The following SCAF11 variants were observed in gnomAD, a reference collection of about 807,000 sequenced individuals.
SCAF11 encodes protein SCAF11.
A neutral mutation model predicts 140.5 loss-of-function variants in SCAF11; 47 were observed. The ratio of observed to expected loss-of-function variants is 0.33; its 90% CI spans 0.26 to 0.43. The LOEUF is 0.43. SCAF11 is among the 20% of genes least tolerant of loss of function. SCAF11 has a pLI of 1.00. For synonymous variants in SCAF11, 557 were observed against 579.4 expected (o/e 0.96, Z 0.55); for missense variants, 1,645 against 1,705.1 (o/e 0.96, Z 0.62).
At position 45,979,093 on chromosome 12, in the gene SCAF11, G is replaced by A. The variant is rs191958382; in HGVS notation, c.-22+11260C>T. On this transcript the variant is annotated intron_variant, in intron 1 of 14. Transcript: ENST00000369367. ...TATTAGGTGGTGGGGCTTTTAGGAGGTGATTAGGCTGTGAGGCTATGCCCT... is the reference window on the plus strand; with the variant it reads ...TATTAGGTGGTGGGGCTTTTAGGAGATGATTAGGCTGTGAGGCTATGCCCT... Among the ~76,000 whole-genome samples the A allele has an allele frequency of 6.4e-4, 17 of 26,688 alleles. No homozygotes were observed. In the Admixed American group the frequency reaches 7.2e-3, roughly 11 times the overall value. 17.5% of individuals were successfully genotyped at this position (26,688 alleles called of 152,430 possible). A position where few individuals can be genotyped will look rare whatever the true frequency, so the allele number is the denominator to read the frequency against.
intron 5 of SCAF11, among the ~76,000 whole-genome samples, chr12:45,946,173 G>A (rs2136562499): frequency 6.6e-6 from 1 of 152,294 alleles, no homozygotes; most frequent in East Asian, 1.9e-4. Context: ...ACTTAAAATG[G>A]AGGTTCACTA....
intron 6 of SCAF11, among the ~76,000 whole-genome samples, chr12:45,936,557 T>G (rs1181602575): frequency 6.6e-6 from 1 of 152,208 alleles, no homozygotes; most frequent in Non-Finnish European, 1.5e-5. Context: ...AATCTGAGTT[T>G]AATACACTCA....
intron 3 of SCAF11, among the ~76,000 whole-genome samples, chr12:45,959,893 C>T (rs1945784696): frequency 6.6e-6 from 1 of 152,082 alleles, no homozygotes. Flanking sequence ...GGTTAATTAC[C>T]TTTGTTTAAA....
intron 3 of SCAF11, chr12:45,960,692 A>G (rs1945805533): frequency 6.6e-6 from 1 of 152,126 alleles, no homozygotes; most frequent in South Asian, 2.1e-4. Flanking sequence ...TTGTATAACA[A>G]ATCTTCTCTT....
intron 12 of SCAF11, among the ~76,000 whole-genome samples, chr12:45,924,289 A>C (rs1408016877): frequency 6.6e-6 from 1 of 152,182 alleles, no homozygotes; most frequent in Non-Finnish European, 1.5e-5. Flanking sequence ...ATGGTAATGG[A>C]TAATAAACAG....
intron 6 of SCAF11, among the ~76,000 whole-genome samples, chr12:45,942,630 CT>C (rs1945331486): frequency 6.6e-6 from 1 of 152,176 alleles, no homozygotes; most frequent in South Asian, 2.1e-4. Flanking sequence ...CTGTCTCAGG[CT>C]TTTACACTTG....
chr12:45,936,920 A>G (rs1945185381), intron 6 of SCAF11, among the ~76,000 whole-genome samples: 1 of 152,156 alleles, frequency 6.6e-6, no homozygotes, highest in Admixed American at 6.5e-5. Context: ...TAGAGTTTTC[A>G]AGGCATTGCT....
intron 6 of SCAF11, among the ~76,000 whole-genome samples, chr12:45,938,736 G>C (rs958523295): frequency 4.0e-5 from 6 of 150,978 alleles, no homozygotes; most frequent in African/African-American, 1.5e-4. Flanking sequence ...TATAATAAAG[G>C]CTCTGAGCTT....
chr12:45,950,782 CAAAT>C (rs1484528844), intron 4 of SCAF11, among the ~76,000 whole-genome samples: 5 of 152,098 alleles, frequency 3.3e-5, no homozygotes, highest in Non-Finnish European at 7.4e-5. Flanking sequence ...CTGAGAAAGA[CAAAT>C]AATTAAATAG....
chr12:45,929,792 C>A (rs1036327694), intron 10 of SCAF11: 1 of 152,172 alleles, frequency 6.6e-6, no homozygotes, highest in Admixed American at 6.5e-5. Flanking sequence ...TTAATATATG[C>A]ACTACCTCAC....
chr12:45,922,781 G>A (rs971161740), intron 13 of SCAF11, among the ~76,000 whole-genome samples, 155 bp downstream of exon 13: 2 of 152,110 alleles, frequency 1.3e-5, no homozygotes, highest in African/African-American at 4.8e-5. Flanking sequence ...GTAATTTACT[G>A]GACATCAACA....
At position 45,938,990 on chromosome 12, in the gene SCAF11, G is replaced by A. The variant is rs1026556236; in HGVS notation, c.464-4485C>T. 2.0e-5 allele frequency among the ~76,000 whole-genome samples: 3 copies of A among 148,192 alleles called. No individual in the cohort carries two copies. The Admixed American group carries it at 2.0e-4, about 10-fold the overall frequency. On this transcript the variant is annotated intron_variant, in intron 6 of 14. Transcript: ENST00000369367. ...ATTAAAAACAAAAATGTATAATTCA[G>A]TTATCTAGTATGACAGAAGAAAGAA...
At chr12:45,989,009 A>G (rs1361440327) in intron 1 of SCAF11, among the ~76,000 whole-genome samples, 1 of 152,244 alleles carries the variant, frequency 6.6e-6, no homozygotes, top group South Asian at 2.1e-4. Flanking sequence ...CAACAAAAAC[A>G]AAAGGCCCAT....
intron 3 of SCAF11, among the ~76,000 whole-genome samples, chr12:45,957,062 A>G (rs1945707420): frequency 6.6e-6 from 1 of 152,210 alleles, no homozygotes; most frequent in Admixed American, 6.5e-5. Flanking sequence ...GAGAGCCCTG[A>G]TCATCTATTG....
chr12:45,971,501 A>G (rs1397455557), intron 1 of SCAF11, among the ~76,000 whole-genome samples: 1 of 152,228 alleles, frequency 6.6e-6, no homozygotes, highest in Non-Finnish European at 1.5e-5. Context: ...TCAAACTGTC[A>G]GTAAGTTTAC....
In SCAF11 at chr12:45,921,801, T is replaced by G. The variant is rs943962015; in HGVS notation, c.*247A>C. The stretch of plus-strand genomic sequence containing the variant: ...CACTATAACACAGTCCTAGTAAAGA[T>G]GCACATTCCTTTAAACCCTTTACTT... On this transcript the variant is annotated 3_prime_UTR_variant, in exon 15 of 15. Transcript: ENST00000369367. 4.1e-4 allele frequency: 180 copies of G among 436,134 alleles called. No individual in the cohort carries two copies. The highest frequency in any genetic ancestry group is 6.5e-4 in the Middle Eastern group (1 of 1,550). The allele number at this position is 436,134 out of a possible 1,614,324, so 27.0% of individuals were successfully genotyped here.
chr12:45,947,198 C>T (rs934426220), intron 5 of SCAF11, among the ~76,000 whole-genome samples: 1 of 152,128 alleles, frequency 6.6e-6, no homozygotes, highest in East Asian at 1.9e-4. Flanking sequence ...TCTTGGACAG[C>T]TCTAAATACA....
At chr12:45,957,509 T>C (rs1011039840) in intron 3 of SCAF11, among the ~76,000 whole-genome samples, 10 of 152,302 alleles carry the variant, frequency 6.6e-5, no homozygotes, top group African/African-American at 2.2e-4. Flanking sequence ...ACACTTCATT[T>C]CTAGTTTAGG....
At chr12:45,976,217 G>C (rs1946229280) in intron 1 of SCAF11, among the ~76,000 whole-genome samples, 1 of 152,062 alleles carries the variant, frequency 6.6e-6, no homozygotes, top group Non-Finnish European at 1.5e-5. Flanking sequence ...ATTCTAAGTA[G>C]ACTAAAATTT....
Sources: gnomAD v4.1 joint callset for allele counts (sites outside exome capture counted in the v4.1 genomes callset) on GRCh38, gnomAD v4.1.1 for gene constraint, MANE v1.5 for transcripts, NCBI Gene and HGNC (gene_info 2026-07-23, HGNC 2026-07-21) for gene names.